Variants in BLZF1 observed in about 807,000 individuals in gnomAD.
The protein encoded by BLZF1 is basic leucine zipper nuclear factor 1.
Under a neutral mutation model 43.8 loss-of-function variants are expected in BLZF1, and 39 were observed. That is an observed-to-expected ratio of 0.89 (90% CI 0.69 to 1.16). The LOEUF is 1.16. Among genes scored for constraint, BLZF1 ranks in the 50% most tolerant of loss-of-function variants. The pLI is 0.00. For synonymous variants in BLZF1, 136 were observed against 159.4 expected, an observed-to-expected ratio of 0.85 and a Z score of 1.11; for missense variants, 449 against 469.8, an observed-to-expected ratio of 0.96 and a Z score of 0.41.
downstream of BLZF1, chr1:169,388,328 C>G (rs571294239): frequency 6.6e-6 from 1 of 152,042 alleles, no homozygotes; most frequent in African/African-American, 2.4e-5. Flanking sequence ...CTTTTTTCCC[C>G]CAGAATTAGT....
At chr1:169,369,224 A>G (rs952090469) in intron 1 of BLZF1, among the ~76,000 whole-genome samples, 1 of 152,076 alleles carries the variant, frequency 6.6e-6, no homozygotes, top group Admixed American at 6.6e-5. Context: ...ACTTCTGACA[A>G]TTTAGAGTGT....
At position 169,376,856 on chromosome 1, in the gene BLZF1, A is replaced by C; in HGVS notation, c.345A>C (p.Gly115=). The change falls in exon 3 of 7, where the codon GGA becomes GGC. Residue 115 remains glycine, a synonymous_variant. Coordinates refer to ENST00000367808, the MANE Select transcript of BLZF1 (RefSeq NM_001320973.2). The part of the protein sequence containing the change: ...HKGEFLGQSE[G]VIEPNKELSE... ...GAGAATTCCTTGGTCAGTCAGAGGG[A>C]GTTATAGAACCTAATAAGGAACTCT... 1 of 1,613,344 alleles carries C rather than the reference A, an allele frequency of 6.2e-7. No individual in the cohort carries two copies. Among genetic ancestry groups the C allele is most frequent in the Non-Finnish European group, 8.5e-7 (1 of 1,179,536 alleles).
At chr1:169,393,270 G>A (rs868187939), downstream of BLZF1, among the ~76,000 whole-genome samples, 8 of 151,818 alleles carry the variant, frequency 5.3e-5, no homozygotes, top group Admixed American at 4.6e-4. Context: ...TCTACCTCAC[G>A]CCATATATAA....
intron 7 of BLZF1, among the ~76,000 whole-genome samples, chr1:169,394,356 ACATATGTG>A (rs1249535829): frequency 6.6e-6 from 1 of 152,204 alleles, no homozygotes; most frequent in Non-Finnish European, 1.5e-5. Flanking sequence ...ATTCGGGGAT[ACATATGTG>A]CGTTAGTTAC....
chr1:169,373,685 T>C (rs866755040), intron 2 of BLZF1, among the ~76,000 whole-genome samples: 1 of 152,180 alleles, frequency 6.6e-6, no homozygotes, highest in East Asian at 1.9e-4. Context: ...TGGAAACAAG[T>C]TGGTTGAACT....
chr1:169,384,107 C>CT (rs559476836), intron 6 of BLZF1, among the ~76,000 whole-genome samples: 165 of 152,126 alleles, frequency 1.1e-3, no homozygotes, highest in African/African-American at 3.5e-3. Context: ...CCCTAAAAAT[C>CT]TCCTCCTTTT....
intron 1 of BLZF1, 131 bp downstream of exon 1, chr1:169,368,473 A>C (rs761550881): frequency 6.6e-6 from 1 of 152,090 alleles, no homozygotes; most frequent in Non-Finnish European, 1.5e-5. Flanking sequence ...ACAGGGATGA[A>C]ACTTAGGTTT....
chr1:169,376,110 A>T lies in BLZF1; in HGVS notation c.29-430A>T, dbSNP rs570848562. On this transcript the variant is annotated intron_variant, in intron 2 of 6. Coordinates refer to ENST00000367808, the MANE Select transcript of BLZF1 (RefSeq NM_001320973.2). Reference sequence around the variant, plus strand: ...AACAGATGAATCTCTTATGATGTAGATGGTTTCAAATATGCATCTATATAG... The same window carrying T: ...AACAGATGAATCTCTTATGATGTAGTTGGTTTCAAATATGCATCTATATAG... 2.6e-5 allele frequency among the ~76,000 whole-genome samples: 4 copies of T among 152,230 alleles called. No homozygotes were observed. In the East Asian group the frequency reaches 7.7e-4, roughly 29 times the overall value.
chr1:169,389,086 C>G (rs1185569216), downstream of BLZF1, among the ~76,000 whole-genome samples: 1 of 151,712 alleles, frequency 6.6e-6, no homozygotes. Flanking sequence ...CGCGCCGCTG[C>G]ACTCCAGCCT....
At chr1:169,389,333 G>A (rs926661046), downstream of BLZF1, among the ~76,000 whole-genome samples, 2 of 151,914 alleles carry the variant, frequency 1.3e-5, no homozygotes, top group African/African-American at 4.8e-5. Context: ...CAAAGGACCT[G>A]AATAGACATT....
chr1:169,395,455 G>GT (rs1440330520), intron 7 of BLZF1, among the ~76,000 whole-genome samples: 5 of 152,094 alleles, frequency 3.3e-5, no homozygotes, highest in African/African-American at 1.2e-4. Flanking sequence ...AACTTAATTG[G>GT]TTTTTTAATA....
Position 169,378,452 on chromosome 1 carries a change from C to A in BLZF1, c.591C>A (p.Asn197Lys). Reference sequence around the variant, plus strand: ...TAGAAAATGAAGCCCTAGGTCGAAACACAGCTCAGCTTTCTGAACAGTTAG... The same window carrying A: ...TAGAAAATGAAGCCCTAGGTCGAAAAACAGCTCAGCTTTCTGAACAGTTAG... ...LILENEALGR[N>K]TAQLSEQLER... The change falls in exon 4 of 7, where the codon AAC becomes AAA. Residue 197 changes from asparagine to lysine, a missense_variant. Transcript: ENST00000367808. 1 of 1,613,004 alleles carries A rather than the reference C, an allele frequency of 6.2e-7. No individual in the cohort carries two copies. Among genetic ancestry groups the A allele is most frequent in the Non-Finnish European group, 8.5e-7 (1 of 1,179,164 alleles).
chr1:169,393,059 G>A (rs1052274584), downstream of BLZF1, among the ~76,000 whole-genome samples: 1 of 152,126 alleles, frequency 6.6e-6, no homozygotes, highest in African/African-American at 2.4e-5. Flanking sequence ...GAAGTGGGGG[G>A]CAGTTTCATG....
At chr1:169,382,782 G>A (rs1397549109) in intron 6 of BLZF1, among the ~76,000 whole-genome samples, 4 of 152,216 alleles carry the variant, frequency 2.6e-5, no homozygotes, top group South Asian at 4.2e-4. Context: ...GTTCACCTTC[G>A]TTACAACTCT....
In BLZF1 at chr1:169,380,491, G is replaced by A; in HGVS notation, c.679G>A (p.Asp227Asn). ...TTTAATCTTTTTCAGGGTAATGGCA[G>A]ATGAGTTAACCAACTCAAGAGCAGC... is the stretch of plus-strand genomic sequence containing the variant. ...SKFLASRVMADELTNSRAALQ... is the reference protein window; with the variant it reads ...SKFLASRVMANELTNSRAALQ... The change falls in exon 5 of 7, where the codon GAT becomes AAT. Residue 227 changes from aspartate to asparagine, a missense_variant. Transcript: ENST00000367808. The A allele has an allele frequency of 1.2e-6, 2 of 1,611,146 alleles. No individual in the cohort carries two copies. Among genetic ancestry groups the A allele is most frequent in the Non-Finnish European group, 1.7e-6 (2 of 1,177,976 alleles).
chr1:169,393,362 T>C (rs1166469329), intron 7 of BLZF1, among the ~76,000 whole-genome samples: 2 of 151,562 alleles, frequency 1.3e-5, no homozygotes, highest in African/African-American at 4.8e-5. Flanking sequence ...CTGAGGCAGG[T>C]GGATCAGCTG....
intron 1 of BLZF1, among the ~76,000 whole-genome samples, chr1:169,368,777 G>A (rs1486768679): frequency 1.3e-5 from 2 of 152,178 alleles, no homozygotes; most frequent in Non-Finnish European, 2.9e-5. Context: ...GAACTGAGTT[G>A]TATCTAGTAC....
intron 6 of BLZF1, among the ~76,000 whole-genome samples, chr1:169,382,552 A>G (rs956281942): frequency 3.9e-5 from 6 of 152,216 alleles, no homozygotes; most frequent in African/African-American, 1.4e-4. Context: ...AATCCTTTTC[A>G]TGAGTTCATT....
chr1:169,390,890 C>T (rs1194258452), downstream of BLZF1, among the ~76,000 whole-genome samples: 1 of 152,172 alleles, frequency 6.6e-6, no homozygotes, highest in African/African-American at 2.4e-5. Context: ...CTTTTAAATA[C>T]AAGCATGCAC....
Sources: gnomAD v4.1 joint callset for allele counts (sites outside exome capture counted in the v4.1 genomes callset) on GRCh38, gnomAD v4.1.1 for gene constraint, MANE v1.5 for transcripts, NCBI Gene and HGNC (gene_info 2026-07-23, HGNC 2026-07-21) for gene names.